RNF152: variants seen among roughly 807,000 people sequenced by gnomAD.
RNF152 encodes the protein ring finger protein 152.
A neutral mutation model predicts 12.7 loss-of-function variants in RNF152; 11 were observed. The ratio of observed to expected loss-of-function variants is 0.86; its 90% confidence interval spans 0.54 to 1.43. RNF152 has a LOEUF of 1.43. RNF152 is among the 40% of genes most tolerant of loss of function. The pLI, the probability that RNF152 is intolerant of heterozygous loss-of-function variation, is 0.00. For synonymous variants in RNF152, 113 were observed against 120.3 expected, an observed-to-expected ratio of 0.94 and a Z score of 0.40; for missense variants, 255 against 274.8, an observed-to-expected ratio of 0.93 and a Z score of 0.51.
intron 1 of RNF152, among the ~76,000 whole-genome samples, chr18:61,867,364 A>AT (rs1016919298): frequency 6.6e-6 from 1 of 152,006 alleles, no homozygotes; most frequent in Non-Finnish European, 1.5e-5. Flanking sequence ...AGGCAGGAGA[A>AT]TCACTTGAAC....
At chr18:61,887,365 T>C (rs1599330295) in intron 1 of RNF152, among the ~76,000 whole-genome samples, 1 of 151,936 alleles carries the variant, frequency 6.6e-6, no homozygotes, top group Non-Finnish European at 1.5e-5. Context: ...TTGACTAAGA[T>C]GCGGCAGTGG....
intron 1 of RNF152, among the ~76,000 whole-genome samples, chr18:61,848,363 G>T (rs562888689): frequency 2.0e-5 from 3 of 152,026 alleles, no homozygotes; most frequent in South Asian, 4.2e-4. Context: ...CACATTTTTT[G>T]AATGATTCCA....
intron 1 of RNF152, among the ~76,000 whole-genome samples, chr18:61,820,537 CG>C (rs1909352174): frequency 6.6e-6 from 1 of 151,590 alleles, no homozygotes; most frequent in African/African-American, 2.4e-5. Flanking sequence ...GCTGTGCCTG[CG>C]GGGAAGGATT....
At chr18:61,823,918 C>T (rs1909537115) in intron 1 of RNF152, among the ~76,000 whole-genome samples, 1 of 152,352 alleles carries the variant, frequency 6.6e-6, no homozygotes, top group African/African-American at 2.4e-5. Context: ...GGGGACTCTG[C>T]TAGGGCATGT....
intron 1 of RNF152, among the ~76,000 whole-genome samples, chr18:61,850,278 G>A (rs535894955): frequency 7.3e-4 from 111 of 152,354 alleles, no homozygotes; most frequent in African/African-American, 2.6e-3. Context: ...CTGATAAAAT[G>A]AGAAATGTGT....
In RNF152 at chr18:61,864,231, A is replaced by G. The variant is rs558468015; in HGVS notation, c.-136+28564T>C. On this transcript the variant is annotated intron_variant, in intron 1 of 1. Coordinates refer to ENST00000312828, the MANE Select transcript of RNF152 (RefSeq NM_173557.3). Reference sequence around the variant, plus strand: ...TCTGCCCCCATTTCAGACACCAAGCATAAGTCCCAGGCCTCCTGTGCTTCT... The same window carrying G: ...TCTGCCCCCATTTCAGACACCAAGCGTAAGTCCCAGGCCTCCTGTGCTTCT... 6.6e-5 allele frequency among the ~76,000 whole-genome samples: 10 copies of G among 152,260 alleles called. No homozygotes were observed. In the South Asian group the frequency reaches 1.0e-3, roughly 16 times the overall value.
chr18:61,815,808 A>C lies in RNF152; in HGVS notation c.*44T>G. 8 of 1,591,358 alleles carry C rather than the reference A, an allele frequency of 5.0e-6. No individual in the cohort carries two copies. Among genetic ancestry groups the C allele is most frequent in the Non-Finnish European group, 6.9e-6 (8 of 1,165,918 alleles). The stretch of plus-strand genomic sequence containing the variant: ...CTGGGATCTCATCATCAACCTGCTC[A>C]ACCCCTAAGTTGGCACCCACAAGAG... On this transcript the variant is annotated 3_prime_UTR_variant, in exon 2 of 2. Transcript: ENST00000312828.
chr18:61,827,304 T>C (rs1909714819), intron 1 of RNF152, among the ~76,000 whole-genome samples: 1 of 152,200 alleles, frequency 6.6e-6, no homozygotes, highest in African/African-American at 2.4e-5. Flanking sequence ...TTGAATAAAT[T>C]GCCCAAACAC....
intron 1 of RNF152, among the ~76,000 whole-genome samples, chr18:61,881,070 C>T (rs1332209518): frequency 6.6e-6 from 1 of 152,062 alleles, no homozygotes; most frequent in East Asian, 1.9e-4. Flanking sequence ...CATGCCACCA[C>T]GCCCAACTAA....
At chr18:61,866,938 T>A (rs2144728508) in intron 1 of RNF152, among the ~76,000 whole-genome samples, 1 of 152,258 alleles carries the variant, frequency 6.6e-6, no homozygotes, top group Non-Finnish European at 1.5e-5. Context: ...CCAAAATGAC[T>A]GTTAGATCCC....
At chr18:61,825,792 A>G (rs549470248) in intron 1 of RNF152, among the ~76,000 whole-genome samples, 27 of 152,150 alleles carry the variant, frequency 1.8e-4, no homozygotes, top group Non-Finnish European at 4.0e-4. Flanking sequence ...CAGGACCCCC[A>G]AAGGCCCAAA....
intron 1 of RNF152, among the ~76,000 whole-genome samples, chr18:61,832,152 A>G (rs1044662962): frequency 6.6e-6 from 1 of 152,212 alleles, no homozygotes; most frequent in Admixed American, 6.5e-5. Context: ...GCCACTAAAC[A>G]TATTAATCGA....
chr18:61,809,238 T>A lies in RNF152; in HGVS notation c.*6614A>T, dbSNP rs1336068453. 6.6e-6 allele frequency: 1 copy of A among 152,160 alleles called. No homozygotes were observed. Among genetic ancestry groups the A allele is most frequent in the Non-Finnish European group, 1.5e-5 (1 of 68,034 alleles). 9.4% of individuals were successfully genotyped at this position (152,160 alleles called of 1,614,324 possible). A position where few individuals can be genotyped will look rare whatever the true frequency, so the allele number is the denominator to read the frequency against. On this transcript the variant is annotated 3_prime_UTR_variant, in exon 2 of 2. Coordinates refer to ENST00000312828, the MANE Select transcript of RNF152 (RefSeq NM_173557.3). ...CTCTCCCTCTACTTAATAGTTGCAT[T>A]GTCCCTCAACCCAGAAAATCCTATG...
chr18:61,842,504 A>T (rs1910498626), intron 1 of RNF152, among the ~76,000 whole-genome samples: 1 of 152,178 alleles, frequency 6.6e-6, no homozygotes, highest in Non-Finnish European at 1.5e-5. Flanking sequence ...TGTTTTCACA[A>T]AAGTTAGGAC....
At chr18:61,834,130 C>G (rs1389404336) in intron 1 of RNF152, among the ~76,000 whole-genome samples, 1 of 152,154 alleles carries the variant, frequency 6.6e-6, no homozygotes, top group East Asian at 1.9e-4. Flanking sequence ...GGCTTGAATC[C>G]CACACTCCAG....
At chr18:61,827,950 C>T (rs1456809605) in intron 1 of RNF152, among the ~76,000 whole-genome samples, 1 of 152,180 alleles carries the variant, frequency 6.6e-6, no homozygotes, top group African/African-American at 2.4e-5. Context: ...CATCATTAAT[C>T]CACCTTTTCT....
intron 1 of RNF152, among the ~76,000 whole-genome samples, chr18:61,854,850 G>A (rs1394086881): frequency 6.6e-6 from 1 of 152,192 alleles, no homozygotes; most frequent in Non-Finnish European, 1.5e-5. Context: ...AACCTGACGT[G>A]AAAATAGCAG....
chr18:61,830,031 T>A (rs1021261136), intron 1 of RNF152, among the ~76,000 whole-genome samples: 1 of 151,686 alleles, frequency 6.6e-6, no homozygotes, highest in Non-Finnish European at 1.5e-5. Context: ...GCTTCTTTTT[T>A]TTTTTTTTGA....
chr18:61,824,665 G>A (rs1909576724), intron 1 of RNF152, among the ~76,000 whole-genome samples: 1 of 152,220 alleles, frequency 6.6e-6, no homozygotes, highest in African/African-American at 2.4e-5. Flanking sequence ...CTTCCCAGAT[G>A]AAGAAAGATA....
Sources: allele counts gnomAD v4.1 joint callset (sites outside exome capture counted in the v4.1 genomes callset), GRCh38; gene constraint gnomAD v4.1.1; transcripts MANE v1.5; gene names NCBI Gene and HGNC (gene_info 2026-07-23, HGNC 2026-07-21).